The following ZC4H2 variants were observed in gnomAD, a reference collection of about 807,000 sequenced individuals.
The protein encoded by ZC4H2 is zinc finger C4H2-type containing.
For synonymous variants in ZC4H2, 84 were observed against 66.3 expected, an observed-to-expected ratio of 1.27 and a Z score of -1.30; for missense variants, 137 against 173.9, an observed-to-expected ratio of 0.79 and a Z score of 1.19.
chrX:65,016,640 C>T (rs1932799304), intron 1 of ZC4H2, among the ~76,000 whole-genome samples: 2 of 111,401 alleles, frequency 1.8e-5, no homozygotes, highest in South Asian at 7.5e-4. Context: ...TGCTCAGATT[C>T]TGCCTTACTC....
In ZC4H2 at chrX:64,930,442, G is replaced by T. The variant is rs1025274062; in HGVS notation, c.54-8454C>A. On this transcript the variant is annotated intron_variant, in intron 1 of 4. Transcript: ENST00000374839. ...TGGTGACAATAGGCATCCTTGTCTT[G>T]TTCCAGTTCTCACGGGGAATGTTTT... Among the ~76,000 whole-genome samples, 3 of 111,579 alleles carry T rather than the reference G, an allele frequency of 2.7e-5. No individual in the cohort carries two copies. In the Admixed American group the frequency reaches 2.9e-4, roughly 11 times the overall value.
intron 1 of ZC4H2, among the ~76,000 whole-genome samples, chrX:64,957,659 A>C (rs1444211901): frequency 9.1e-6 from 1 of 109,923 alleles, no homozygotes; most frequent in Non-Finnish European, 1.9e-5. Flanking sequence ...CAGGAGTTTG[A>C]GACCAGCCTA....
chrX:64,921,572 C>T (rs942594228), intron 2 of ZC4H2, among the ~76,000 whole-genome samples: 14 of 111,501 alleles, frequency 1.3e-4, no homozygotes, highest in Admixed American at 1.0e-3. Flanking sequence ...GGTACTGAGT[C>T]CCCCTTATAG....
chrX:64,924,428 A>G (rs1929341175), intron 1 of ZC4H2, among the ~76,000 whole-genome samples: 1 of 112,232 alleles, frequency 8.9e-6, no homozygotes, highest in South Asian at 3.7e-4. Flanking sequence ...GGGATAGAGC[A>G]GAGAACAAGA....
At chrX:64,998,837 C>T (rs1238322970) in intron 1 of ZC4H2, among the ~76,000 whole-genome samples, 1 of 109,574 alleles carries the variant, frequency 9.1e-6, no homozygotes, top group Non-Finnish European at 1.9e-5. Context: ...ATATTAAATG[C>T]TTTATTAATA....
intron 1 of ZC4H2, among the ~76,000 whole-genome samples, chrX:64,991,280 A>T (rs1168168526): frequency 8.9e-6 from 1 of 112,186 alleles, no homozygotes; most frequent in Non-Finnish European, 1.9e-5. Flanking sequence ...GAGTTTATTT[A>T]GGCATTGTGG....
intron 1 of ZC4H2, among the ~76,000 whole-genome samples, chrX:65,018,809 G>T (rs5964896): frequency 9.0e-6 from 1 of 111,035 alleles, no homozygotes; most frequent in African/African-American, 3.3e-5. Context: ...TGCCAGTACA[G>T]CAGTCTAAGG....
rs529495507 is a variant in ZC4H2, at chrX:65,002,383, G to A, written c.-272+32246C>T. Among the ~76,000 whole-genome samples the A allele has an allele frequency of 1.2e-4, 13 of 105,735 alleles. No homozygotes were observed. In the South Asian group the frequency reaches 1.7e-3, roughly 13 times the overall value. The allele number at this position is 105,735 out of a possible 115,157, so 91.8% of individuals were successfully genotyped here. On this transcript the variant is annotated intron_variant, in intron 1 of 4. Transcript: ENST00000337990. ...CAGCCCCCGCCCGGCCAGCCGCCCC[G>A]TCCGGGAGGGAGGCGGGGGGTCAGC... is the stretch of plus-strand genomic sequence containing the variant.
intron 1 of ZC4H2, among the ~76,000 whole-genome samples, chrX:64,923,283 T>A (rs1445069314): frequency 8.9e-6 from 1 of 111,883 alleles, no homozygotes; most frequent in African/African-American, 3.2e-5. Context: ...TTTAATAACA[T>A]AATTTGAAGC....
chrX:64,936,587 C>T (rs763382255), intron 1 of ZC4H2, among the ~76,000 whole-genome samples: 7 of 111,819 alleles, frequency 6.3e-5, no homozygotes, highest in Admixed American at 1.9e-4. Flanking sequence ...TGCAGAAACC[C>T]TAGAAGCCAG....
chrX:64,937,691 A>G (rs1228180783), intron 1 of ZC4H2, among the ~76,000 whole-genome samples: 1 of 111,789 alleles, frequency 8.9e-6, no homozygotes, highest in African/African-American at 3.3e-5. Flanking sequence ...CAACTAGGTA[A>G]TTAATGAAAT....
intron 1 of ZC4H2, among the ~76,000 whole-genome samples, chrX:64,958,334 G>A (rs985757544): frequency 3.6e-5 from 4 of 111,944 alleles, no homozygotes; most frequent in African/African-American, 1.3e-4. Flanking sequence ...TATGGTATAT[G>A]TGGTGTATTG....
At chrX:64,976,735 A>G (rs1931961865), upstream of ZC4H2, among the ~76,000 whole-genome samples, 1 of 111,601 alleles carries the variant, frequency 9.0e-6, no homozygotes, top group African/African-American at 3.3e-5. Context: ...CCTGAAGGCA[A>G]TTGGAGAGAT....
At chrX:64,979,014 C>A (rs186158446), upstream of ZC4H2, among the ~76,000 whole-genome samples, 3 of 111,926 alleles carry the variant, frequency 2.7e-5, no homozygotes, top group East Asian at 5.6e-4. Context: ...GTATCTGTTT[C>A]AATTAAATAT....
intron 1 of ZC4H2, among the ~76,000 whole-genome samples, chrX:64,982,292 AAGG>A (rs1343521022): frequency 1.8e-5 from 2 of 111,908 alleles, no homozygotes; most frequent in African/African-American, 6.5e-5. Flanking sequence ...GAGTTTCCAA[AAGG>A]GCTGAGTCTT....
chrX:64,999,522 C>A (rs1460566598), intron 1 of ZC4H2, among the ~76,000 whole-genome samples: 1 of 112,455 alleles, frequency 8.9e-6, no homozygotes, highest in Non-Finnish European at 1.9e-5. Context: ...GCTGTTTGGG[C>A]AGACACTGAG....
At chrX:64,966,141 T>C (rs1399540862) in intron 1 of ZC4H2, among the ~76,000 whole-genome samples, 1 of 110,394 alleles carries the variant, frequency 9.1e-6, no homozygotes, top group East Asian at 2.8e-4. Context: ...GAACAAAAGG[T>C]TTGAATAAAC....
chrX:64,925,783 AG>A (rs781457712), intron 1 of ZC4H2, among the ~76,000 whole-genome samples: 1 of 112,322 alleles, frequency 8.9e-6, no homozygotes, highest in African/African-American at 3.2e-5. Context: ...AAAGGCACAA[AG>A]CCTTCCTCAA....
chrX:64,954,069 C>G (rs893776111), intron 1 of ZC4H2, among the ~76,000 whole-genome samples: 1 of 105,866 alleles, frequency 9.4e-6, no homozygotes, highest in Non-Finnish European at 1.9e-5. Context: ...ATCGCAAGGA[C>G]GAAAAACCAA....
Sources: allele counts gnomAD v4.1 joint callset (sites outside exome capture counted in the v4.1 genomes callset), GRCh38; gene constraint gnomAD v4.1.1; transcripts MANE v1.5; gene names NCBI Gene and HGNC (gene_info 2026-07-23, HGNC 2026-07-21).